Variants in SLC16A12 observed in about 807,000 individuals in gnomAD.
SLC16A12 encodes solute carrier family 16 member 12, also known as monocarboxylate transporter 12.
A neutral mutation model predicts 42.4 loss-of-function variants in SLC16A12; 17 were observed. That is an observed-to-expected ratio of 0.40 (90% CI 0.27 to 0.60). The LOEUF (loss-of-function observed/expected upper bound fraction) is 0.60, where lower values mean the gene tolerates loss of function less well. Among genes scored for constraint, SLC16A12 ranks in the 20% least tolerant of loss-of-function variants. The pLI is 0.42. For missense variants in SLC16A12, 544 were observed against 623.0 expected (o/e 0.87, Z 1.35); for synonymous variants, 224 against 229.4 (o/e 0.98, Z 0.21).
chr10:89,531,096 T>C (rs1843544620), intron 2 of SLC16A12, among the ~76,000 whole-genome samples: 1 of 152,098 alleles, frequency 6.6e-6, no homozygotes, highest in Non-Finnish European at 1.5e-5. Context: ...ATTACATCGG[T>C]TTAGGCAATA....
chr10:89,462,669 C>T, intron 2 of SLC16A12, 45 bp from the exon 3 acceptor site: 2 of 1,480,606 alleles, frequency 1.4e-6, no homozygotes, highest in South Asian at 1.3e-5. Flanking sequence ...TTGCTATGTC[C>T]AAAGGTTGAT....
Position 89,436,134 on chromosome 10 carries a change from G to A in SLC16A12, c.1214C>T (p.Thr405Ile). The A allele has an allele frequency of 6.2e-7, 1 of 1,614,116 alleles. No homozygotes were observed. Residue 405 changes from threonine (T) to isoleucine (I), a missense_variant, in exon 7 of 8, where the codon ACC becomes ATC. Thr to Ile is a moderately conservative substitution (Grantham distance 89). Transcript: ENST00000371790. ...CACACCAAGCGCTGATGACAAAGAG[G>A]TGGTCCCCACTATCTCTGTGGTCAC... ...PVVTTEIVGT[T>I]SLSSALGVVY...
rs1040060678 is a variant in SLC16A12, at chr10:89,525,245, A to T, written c.-47+9256T>A. ...CAAAAAAAAAAAAAAAAAAAAAAAA[A>T]GCTAAACTGAAATTTCACCTTAACA... is the stretch of plus-strand genomic sequence containing the variant. On this transcript the variant is annotated intron_variant, in intron 2 of 7. Coordinates refer to ENST00000371790, the MANE Select transcript of SLC16A12 (RefSeq NM_213606.4). Among the ~76,000 whole-genome samples, 11 of 142,088 alleles carry T rather than the reference A, an allele frequency of 7.7e-5. No individual in the cohort carries two copies. In the South Asian group the frequency reaches 2.0e-3, roughly 26 times the overall value. 93.2% of individuals were successfully genotyped at this position (142,088 alleles called of 152,430 possible).
At chr10:89,544,760 C>T (rs1361143779) in intron 2 of SLC16A12, among the ~76,000 whole-genome samples, 1 of 152,062 alleles carries the variant, frequency 6.6e-6, no homozygotes, top group Non-Finnish European at 1.5e-5. Flanking sequence ...GTGAATTGCC[C>T]AATATCAGGC....
At chr10:89,462,753 TG>T in intron 2 of SLC16A12, 129 bp from the exon 3 acceptor site, 1 of 1,013,974 alleles carries the variant, frequency 9.9e-7, no homozygotes, top group Non-Finnish European at 1.4e-6. Context: ...AATACTAGAC[TG>T]GGGCAGACTA....
intron 5 of SLC16A12, 127 bp from the exon 6 acceptor site, chr10:89,439,310 C>A: frequency 1.1e-6 from 1 of 928,228 alleles, no homozygotes; most frequent in Non-Finnish European, 1.6e-6. Context: ...GCTTTTTACA[C>A]CAAGCTTAAA....
chr10:89,481,575 G>A (rs778290847), intron 2 of SLC16A12, among the ~76,000 whole-genome samples: 1 of 151,124 alleles, frequency 6.6e-6, no homozygotes, highest in African/African-American at 2.4e-5. Flanking sequence ...ATCTATTGAT[G>A]GATAGATAAA....
chr10:89,514,808 T>A (rs1041144568), intron 2 of SLC16A12, among the ~76,000 whole-genome samples: 1 of 152,048 alleles, frequency 6.6e-6, no homozygotes, highest in African/African-American at 2.4e-5. Flanking sequence ...GCGGGCCGGG[T>A]GCGCGGGTGC....
chr10:89,543,845 G>A (rs920849941), intron 2 of SLC16A12, among the ~76,000 whole-genome samples: 6 of 152,170 alleles, frequency 3.9e-5, no homozygotes, highest in Non-Finnish European at 7.4e-5. Flanking sequence ...AAAAAAAATG[G>A]ATAAATGGAT....
At chr10:89,463,285 T>C (rs1218471764) in intron 2 of SLC16A12, among the ~76,000 whole-genome samples, 1 of 152,240 alleles carries the variant, frequency 6.6e-6, no homozygotes, top group Non-Finnish European at 1.5e-5. Flanking sequence ...TTGGCATTTT[T>C]TAAAATGCTG....
chr10:89,498,455 TTATA>T (rs2133817888), intron 2 of SLC16A12, among the ~76,000 whole-genome samples: 1 of 152,324 alleles, frequency 6.6e-6, no homozygotes, highest in African/African-American at 2.4e-5. Flanking sequence ...GTTCCAAAAA[TTATA>T]TGAACAAATG....
chr10:89,468,951 G>A (rs550595067), intron 2 of SLC16A12, among the ~76,000 whole-genome samples: 12 of 152,118 alleles, frequency 7.9e-5, no homozygotes, highest in Non-Finnish European at 1.0e-4. Flanking sequence ...CCAACATGGC[G>A]AAATCCCATT....
chr10:89,459,832 T>G (rs1279729758), intron 3 of SLC16A12, among the ~76,000 whole-genome samples: 2 of 152,046 alleles, frequency 1.3e-5, no homozygotes, highest in Admixed American at 1.3e-4. Context: ...TCCCATCTAT[T>G]CAGGAGGCTG....
intron 2 of SLC16A12, among the ~76,000 whole-genome samples, chr10:89,498,770 T>C (rs1288264695): frequency 1.3e-5 from 2 of 152,178 alleles, no homozygotes; most frequent in Admixed American, 6.5e-5. Flanking sequence ...GTGGTATCCA[T>C]GTCTGAGAGA....
intron 2 of SLC16A12, among the ~76,000 whole-genome samples, chr10:89,494,766 G>A (rs371220146): frequency 1.8e-4 from 27 of 152,162 alleles, no homozygotes; most frequent in Non-Finnish European, 3.1e-4. Context: ...ACTCAGGAAT[G>A]AAGGAACAGA....
In SLC16A12 at chr10:89,462,562, T is replaced by C. The variant is rs775332129; in HGVS notation, c.17A>G (p.His6Arg). 3 of 1,609,288 alleles carry C rather than the reference T, an allele frequency of 1.9e-6. No individual in the cohort carries two copies. The highest frequency in any genetic ancestry group is 2.5e-6 in the Non-Finnish European group (3 of 1,179,082). The change falls in exon 3 of 8, where the codon CAC (histidine) becomes CGC (arginine). Residue 6 changes from histidine (H) to arginine (R), a missense_variant. Coordinates refer to ENST00000371790, the MANE Select transcript of SLC16A12 (RefSeq NM_213606.4). ...GATCTTGGAAGAGTTTGCTGTCCAG[T>C]GACTTCCTGATGGCATTCAAGGTTG... is the stretch of plus-strand genomic sequence containing the variant. MPSGS[H>R]WTANSSKIIT...
At chr10:89,540,694 A>G (rs1843709840) in intron 2 of SLC16A12, among the ~76,000 whole-genome samples, 1 of 152,070 alleles carries the variant, frequency 6.6e-6, no homozygotes, top group African/African-American at 2.4e-5. Flanking sequence ...TCATCACTAC[A>G]ATCTGCTCTT....
chr10:89,455,238 C>G (rs1040155227), intron 3 of SLC16A12, among the ~76,000 whole-genome samples: 7 of 151,936 alleles, frequency 4.6e-5, no homozygotes, highest in Non-Finnish European at 8.8e-5. Flanking sequence ...AAAAGGGCCC[C>G]CAGATGATGA....
chr10:89,506,792 A>G (rs964488708), intron 2 of SLC16A12, among the ~76,000 whole-genome samples: 3 of 152,162 alleles, frequency 2.0e-5, no homozygotes, highest in Non-Finnish European at 4.4e-5. Flanking sequence ...CTAAAGGAGC[A>G]TGTTCTAACC....
Sources: allele counts gnomAD v4.1 joint callset (sites outside exome capture counted in the v4.1 genomes callset), GRCh38; gene constraint gnomAD v4.1.1; transcripts MANE v1.5; gene names NCBI Gene and HGNC (gene_info 2026-07-23, HGNC 2026-07-21).